The following PRKACB variants were observed in gnomAD, a reference collection of about 807,000 sequenced individuals.
PRKACB encodes cAMP-dependent protein kinase catalytic subunit beta.
PRKACB carries 16 observed loss-of-function variants against 51.4 expected under a neutral mutation model. The ratio of observed to expected loss-of-function variants is 0.31; its 90% CI spans 0.21 to 0.47. The LOEUF (loss-of-function observed/expected upper bound fraction) is 0.47. PRKACB is among the 20% of genes least tolerant of loss of function. PRKACB has a pLI of 1.00. For synonymous variants in PRKACB, 147 were observed against 154.4 expected (o/e 0.95, Z 0.35); for missense variants, 309 against 464.5 (o/e 0.67, Z 3.08).
chr1:84,171,447 G>T (rs1225783653), intron 1 of PRKACB, among the ~76,000 whole-genome samples: 1 of 151,430 alleles, frequency 6.6e-6, no homozygotes, highest in East Asian at 1.9e-4. Context: ...ACAAAATTAG[G>T]ACTGGAGAGT....
chr1:84,188,367 C>G (rs1665800658), intron 5 of PRKACB, among the ~76,000 whole-genome samples: 1 of 151,368 alleles, frequency 6.6e-6, no homozygotes, highest in Admixed American at 6.6e-5. Flanking sequence ...GTCTATTGAT[C>G]TTAAAGTTAT....
At chr1:84,116,759 C>CA (rs1431513464) in intron 1 of PRKACB, among the ~76,000 whole-genome samples, 7 of 152,092 alleles carry the variant, frequency 4.6e-5, no homozygotes, top group African/African-American at 1.7e-4. Context: ...ATATCATCAG[C>CA]AAAGAGGGAC....
At chr1:84,178,555 A>C (rs985773694) in intron 1 of PRKACB, among the ~76,000 whole-genome samples, 9 of 152,120 alleles carry the variant, frequency 5.9e-5, no homozygotes, top group Middle Eastern at 3.4e-3. Context: ...TCAGACATTT[A>C]GTTTATGCTG....
intron 9 of PRKACB, among the ~76,000 whole-genome samples, chr1:84,230,145 A>T (rs1423470897): frequency 6.6e-6 from 1 of 152,000 alleles, no homozygotes; most frequent in Non-Finnish European, 1.5e-5. Flanking sequence ...TCAGCTTTCC[A>T]CATATGGCTA....
rs376137569 is a variant in PRKACB, at chr1:84,194,755, C to T, written c.561-1861C>T. Among the ~76,000 whole-genome samples the T allele has an allele frequency of 2.6e-5, 4 of 151,810 alleles. No homozygotes were observed. In the East Asian group the frequency reaches 5.8e-4, roughly 22 times the overall value. On this transcript the variant is annotated intron_variant, in intron 5 of 9. Coordinates refer to ENST00000370685, the MANE Select transcript of PRKACB (RefSeq NM_182948.4). ...AGCCTGGGCAACATGGCAAACCAAA[C>T]CCTCCACACACACACACATACAAAT...
intron 9 of PRKACB, among the ~76,000 whole-genome samples, chr1:84,232,226 C>T (rs1270347540): frequency 3.2e-4 from 49 of 151,686 alleles, no homozygotes; most frequent in South Asian, 1.9e-3. Flanking sequence ...TGTAGTTGAG[C>T]GGTTTTGAGT....
intron 3 of PRKACB, among the ~76,000 whole-genome samples, chr1:84,182,786 T>TCCGC (rs148632899): frequency 6.6e-6 from 1 of 151,532 alleles, no homozygotes; most frequent in Non-Finnish European, 1.5e-5. Flanking sequence ...CCTGGGCATT[T>TCCGC]TGGTTTCTGC....
chr1:84,168,808 AGC>A (rs1658403185), intron 1 of PRKACB, among the ~76,000 whole-genome samples: 2 of 151,604 alleles, frequency 1.3e-5, no homozygotes, highest in Non-Finnish European at 3.0e-5. Flanking sequence ...ATTCTAAAAC[AGC>A]TATAGTGGGA....
chr1:84,138,599 A>G (rs1653076402), intron 1 of PRKACB, among the ~76,000 whole-genome samples: 1 of 152,198 alleles, frequency 6.6e-6, no homozygotes, highest in Non-Finnish European at 1.5e-5. Flanking sequence ...AAATTCTACA[A>G]AACATTTAAA....
At chr1:84,156,217 A>G (rs900065459) in intron 1 of PRKACB, among the ~76,000 whole-genome samples, 1 of 151,804 alleles carries the variant, frequency 6.6e-6, no homozygotes, top group Non-Finnish European at 1.5e-5. Flanking sequence ...GCTGTTCTTG[A>G]ACTCCTGGGG....
intron 1 of PRKACB, chr1:84,164,591 A>T: frequency 1.5e-6 from 2 of 1,373,914 alleles, no homozygotes; most frequent in Non-Finnish European, 9.6e-7. Flanking sequence ...TACGCCTTGG[A>T]TACAAGTGAA....
At chr1:84,159,071 G>T (rs1655866687) in intron 1 of PRKACB, among the ~76,000 whole-genome samples, 1 of 152,078 alleles carries the variant, frequency 6.6e-6, no homozygotes, top group African/African-American at 2.4e-5. Context: ...CATAGTGTAA[G>T]TCCTCCAACT....
upstream of PRKACB, among the ~76,000 whole-genome samples, chr1:84,143,184 A>G (rs756985451): frequency 2.0e-5 from 3 of 152,252 alleles, no homozygotes; most frequent in Admixed American, 6.5e-5. Flanking sequence ...GGTGGCTCAC[A>G]CTTGTAATCC....
At chr1:84,160,107 C>G (rs955208650) in intron 1 of PRKACB, among the ~76,000 whole-genome samples, 2 of 152,066 alleles carry the variant, frequency 1.3e-5, no homozygotes, top group African/African-American at 4.8e-5. Context: ...CCTGCCACTT[C>G]TGAATTCTGA....
At chr1:84,093,378 A>G (rs1358855570) in intron 1 of PRKACB, among the ~76,000 whole-genome samples, 2 of 152,122 alleles carry the variant, frequency 1.3e-5, no homozygotes, top group African/African-American at 4.8e-5. Flanking sequence ...TTTAAAAGGA[A>G]AAAGAAATTG....
intron 9 of PRKACB, among the ~76,000 whole-genome samples, chr1:84,225,010 G>A (rs1186284695): frequency 2.0e-5 from 3 of 152,130 alleles, no homozygotes; most frequent in South Asian, 2.1e-4. Flanking sequence ...TCATATGTAT[G>A]TGTACCCAGA....
At chr1:84,115,928 C>G (rs984092323) in intron 1 of PRKACB, among the ~76,000 whole-genome samples, 2 of 140,844 alleles carry the variant, frequency 1.4e-5, no homozygotes, top group Non-Finnish European at 3.0e-5. Context: ...AATTCTTTGC[C>G]TAGAGCAATG....
intron 1 of PRKACB, among the ~76,000 whole-genome samples, chr1:84,171,748 T>C (rs1659547331): frequency 6.6e-6 from 1 of 151,578 alleles, no homozygotes; most frequent in Non-Finnish European, 1.5e-5. Context: ...TCACAAATGA[T>C]TTGTGATTGG....
chr1:84,093,379 A>G (rs1285192265), intron 1 of PRKACB, among the ~76,000 whole-genome samples: 1 of 152,004 alleles, frequency 6.6e-6, no homozygotes, highest in Non-Finnish European at 1.5e-5. Context: ...TTAAAAGGAA[A>G]AAGAAATTGT....
Sources: gnomAD v4.1 joint callset for allele counts (sites outside exome capture counted in the v4.1 genomes callset) on GRCh38, gnomAD v4.1.1 for gene constraint, MANE v1.5 for transcripts, NCBI Gene and HGNC (gene_info 2026-07-23, HGNC 2026-07-21) for gene names.